FAM135B: variants seen among roughly 807,000 people sequenced by gnomAD.
The protein encoded by FAM135B is protein FAM135B.
Under a neutral mutation model 127.7 loss-of-function variants are expected in FAM135B, and 43 were observed. The ratio of observed to expected loss-of-function variants is 0.34; its 90% CI spans 0.26 to 0.43. The LOEUF (loss-of-function observed/expected upper bound fraction) is 0.43. FAM135B is among the 20% of genes least tolerant of loss of function. FAM135B has a pLI of 1.00. For missense variants in FAM135B, 1,558 were observed against 1,725.6 expected, an observed-to-expected ratio of 0.90 and a Z score of 1.72; for synonymous variants, 670 against 665.1, an observed-to-expected ratio of 1.01 and a Z score of -0.11.
intron 1 of FAM135B, among the ~76,000 whole-genome samples, chr8:138,394,339 C>T (rs1367786157): frequency 6.6e-6 from 1 of 152,136 alleles, no homozygotes; most frequent in African/African-American, 2.4e-5. Context: ...GGGTCATGTG[C>T]TGTACCACAT....
At chr8:138,279,128 C>A (rs1824069660) in intron 3 of FAM135B, among the ~76,000 whole-genome samples, 1 of 152,212 alleles carries the variant, frequency 6.6e-6, no homozygotes, top group African/African-American at 2.4e-5. Flanking sequence ...TTTCCACTTT[C>A]TTCTTCTCAT....
rs144270878 is a variant in FAM135B, at chr8:138,173,683, G to A, written c.1103+3664C>T. ...AAATGCCTATTGTGGTCAACCCTACGGACATAGCATGTCTTAGAATGAATT... is the reference window on the plus strand; with the variant it reads ...AAATGCCTATTGTGGTCAACCCTACAGACATAGCATGTCTTAGAATGAATT... On this transcript the variant is annotated intron_variant, in intron 11 of 19. Transcript: ENST00000395297. Among the ~76,000 whole-genome samples, 824 of 152,208 alleles carry A rather than the reference G, an allele frequency of 5.4e-3. 3 individuals are homozygous for A. The highest frequency in any genetic ancestry group is 8.2e-3 in the Non-Finnish European group (560 of 68,014).
intron 2 of FAM135B, among the ~76,000 whole-genome samples, chr8:138,332,056 T>C (rs1828220886): frequency 6.6e-6 from 1 of 152,164 alleles, no homozygotes; most frequent in South Asian, 2.1e-4. Context: ...TACATTCTTA[T>C]TTGGTTTACA....
At chr8:138,319,546 A>G (rs1277626666) in intron 2 of FAM135B, among the ~76,000 whole-genome samples, 3 of 152,214 alleles carry the variant, frequency 2.0e-5, no homozygotes, top group African/African-American at 7.2e-5. Flanking sequence ...TTTCATCAGA[A>G]TGGGGAAAGA....
chr8:138,319,149 C>T (rs1399643817), intron 2 of FAM135B, among the ~76,000 whole-genome samples: 2 of 152,108 alleles, frequency 1.3e-5, no homozygotes, highest in Non-Finnish European at 2.9e-5. Context: ...CTCTGTCACC[C>T]AGGCTGGAGT....
chr8:138,359,614 G>T (rs1216776296), intron 2 of FAM135B, among the ~76,000 whole-genome samples: 1 of 152,182 alleles, frequency 6.6e-6, no homozygotes, highest in Non-Finnish European at 1.5e-5. Context: ...TCAAAAGTGT[G>T]GGAATGAATG....
chr8:138,414,664 C>T (rs1834043378), intron 1 of FAM135B, among the ~76,000 whole-genome samples: 2 of 151,964 alleles, frequency 1.3e-5, no homozygotes, highest in African/African-American at 2.4e-5. Context: ...AATTTTTTTC[C>T]CCACTCTTCA....
chr8:138,219,283 GAGAAA>G (rs956324788), intron 7 of FAM135B, among the ~76,000 whole-genome samples: 113 of 152,252 alleles, frequency 7.4e-4, no homozygotes, highest in African/African-American at 2.5e-3. Flanking sequence ...ATTTTTCAGG[GAGAAA>G]AGAAAATGAC....
In FAM135B at chr8:138,242,044, C is replaced by T. The variant is rs1820827259; in HGVS notation, c.669+898G>A. Among the ~76,000 whole-genome samples the T allele has an allele frequency of 2.6e-5, 4 of 152,168 alleles. No individual in the cohort carries two copies. In the South Asian group the frequency reaches 8.3e-4, roughly 32 times the overall value. The stretch of plus-strand genomic sequence containing the variant: ...AACACTAGCTTTCCTGGTTCTGAGG[C>T]CTTTAGCCTTGGACTGGAATGATAC... On this transcript the variant is annotated intron_variant, in intron 7 of 19. Transcript: ENST00000395297. This position sits in a 1 kb window ranked among gnomAD's most constrained non-coding sequence, Gnocchi z 9.6.
At chr8:138,314,693 C>CAATCAATAAATAAATAAATAAATAAATA (rs1826937940) in intron 2 of FAM135B, among the ~76,000 whole-genome samples, 8 of 120,294 alleles carry the variant, frequency 6.7e-5, no homozygotes, top group Admixed American at 5.1e-4. Context: ...CCCATCCCTA[C>CAATCAATAAATAAATAAATAAATAAATA]AATAAATAAA....
intron 19 of FAM135B, among the ~76,000 whole-genome samples, chr8:138,136,470 G>A (rs1027228698): frequency 6.6e-6 from 1 of 152,080 alleles, no homozygotes; most frequent in African/African-American, 2.4e-5. Context: ...TGGTACAATG[G>A]TTATGTAAGA....
chr8:138,479,299 T>C (rs1279161405), intron 1 of FAM135B, among the ~76,000 whole-genome samples: 1 of 152,050 alleles, frequency 6.6e-6, no homozygotes, highest in Non-Finnish European at 1.5e-5. Flanking sequence ...TGGTAATAAA[T>C]TAAGTTTCCA....
rs111966264 is a variant in FAM135B, at chr8:138,458,098, G to A, written c.-20+38573C>T. ...ACCTGGGAGGAAGAGGTTGCCGTGA[G>A]CTGAGATCACGCCGCTGCACTCCAG... On this transcript the variant is annotated intron_variant, in intron 1 of 19. Coordinates refer to ENST00000395297, the MANE Select transcript of FAM135B (RefSeq NM_015912.4). 5.9e-5 allele frequency among the ~76,000 whole-genome samples: 9 copies of A among 152,188 alleles called. 1 individual carries two copies. Among genetic ancestry groups the A allele is most frequent in the Admixed American group, 3.9e-4 (6 of 15,296 alleles).
chr8:138,358,891 A>C (rs1830246339), intron 2 of FAM135B, among the ~76,000 whole-genome samples: 1 of 152,142 alleles, frequency 6.6e-6, no homozygotes, highest in Non-Finnish European at 1.5e-5. Flanking sequence ...GAGGCATTTT[A>C]AATCTCAGCA....
intron 3 of FAM135B, among the ~76,000 whole-genome samples, chr8:138,310,462 C>T (rs555695729): frequency 2.1e-4 from 32 of 152,188 alleles, no homozygotes; most frequent in African/African-American, 7.0e-4. Context: ...CCACCGACAC[C>T]GCCTACTCAC....
intron 1 of FAM135B, among the ~76,000 whole-genome samples, chr8:138,492,787 C>T (rs1815253945): frequency 6.6e-6 from 1 of 152,132 alleles, no homozygotes; most frequent in Admixed American, 6.6e-5. Context: ...TTTAAGAAGG[C>T]ATCCTTGACA....
intron 2 of FAM135B, among the ~76,000 whole-genome samples, chr8:138,347,412 T>C (rs1280124082): frequency 6.6e-6 from 1 of 152,142 alleles, no homozygotes; most frequent in East Asian, 1.9e-4. Flanking sequence ...CTGGGATCCT[T>C]AACCCTGGCA....
chr8:138,154,340 C>T (rs1014892634), intron 12 of FAM135B, among the ~76,000 whole-genome samples: 1 of 152,098 alleles, frequency 6.6e-6, no homozygotes, highest in African/African-American at 2.4e-5. Context: ...GGGGAGAAAC[C>T]AGAGCAGAAA....
chr8:138,186,736 C>T (rs1055670226), intron 9 of FAM135B, among the ~76,000 whole-genome samples: 4 of 152,226 alleles, frequency 2.6e-5, no homozygotes, highest in African/African-American at 9.6e-5. Flanking sequence ...AGTCCTGCAG[C>T]TTGGGGCACC....
Sources: gnomAD v4.1 joint callset for allele counts (sites outside exome capture counted in the v4.1 genomes callset) on GRCh38, gnomAD v4.1.1 for gene constraint, Gnocchi (gnomAD v3.1) non-coding constraint, MANE v1.5 for transcripts, NCBI Gene and HGNC (gene_info 2026-07-23, HGNC 2026-07-21) for gene names.